Variants in CHCHD6 observed in about 807,000 individuals in gnomAD.
CHCHD6 encodes coiled-coil-helix-coiled-coil-helix domain containing 6, also known as MICOS complex subunit MIC25.
Under a neutral mutation model 32.3 loss-of-function variants are expected in CHCHD6, and 28 were observed. The observed-to-expected ratio is 0.87, with a 90% CI of 0.64 to 1.19. The LOEUF is 1.19. CHCHD6 is among the 50% of genes most tolerant of loss of function. The probability of loss-of-function intolerance (pLI) is 0.00; values close to 1 mark genes in which losing one functional copy is unlikely to be tolerated. For synonymous variants in CHCHD6, 122 were observed against 117.5 expected (o/e 1.04, Z -0.25); for missense variants, 333 against 307.0 (o/e 1.08, Z -0.63).
chr3:126,721,138 G>A (rs376153290), intron 1 of CHCHD6, among the ~76,000 whole-genome samples: 10 of 152,228 alleles, frequency 6.6e-5, no homozygotes, highest in Admixed American at 5.2e-4. Flanking sequence ...GCCACCAGAC[G>A]AGCCTTTCAT....
In CHCHD6 at chr3:126,754,241, C is replaced by G. The variant is rs567811671; in HGVS notation, c.411+21019C>G. Among the ~76,000 whole-genome samples the G allele has an allele frequency of 2.6e-5, 4 of 152,272 alleles. No homozygotes were observed. In the South Asian group the frequency reaches 8.3e-4, roughly 32 times the overall value. Reference sequence around the variant, plus strand: ...TTAAGTGTCTCTGGGCATCACTTTCCCCATCCGTAATACAGGGACAGCAAT... The same window carrying G: ...TTAAGTGTCTCTGGGCATCACTTTCGCCATCCGTAATACAGGGACAGCAAT... On this transcript the variant is annotated intron_variant, in intron 4 of 7. Transcript: ENST00000290913.
intron 5 of CHCHD6, among the ~76,000 whole-genome samples, chr3:126,891,155 G>A (rs1009512604): frequency 2.0e-5 from 3 of 152,176 alleles, no homozygotes; most frequent in African/African-American, 4.8e-5. Context: ...CTGTGGAGAC[G>A]TATCAGGTGC....
intron 4 of CHCHD6, among the ~76,000 whole-genome samples, chr3:126,837,389 C>A (rs1415394565): frequency 6.6e-6 from 1 of 152,012 alleles, no homozygotes; most frequent in Non-Finnish European, 1.5e-5. Context: ...CATAGTGAGA[C>A]CCCATCTCAC....
chr3:126,753,660 C>T (rs922549738), intron 4 of CHCHD6, among the ~76,000 whole-genome samples: 1 of 152,260 alleles, frequency 6.6e-6, no homozygotes, highest in Middle Eastern at 3.2e-3. Context: ...GCCCCTGTCT[C>T]TCTCTCTGGT....
intron 4 of CHCHD6, among the ~76,000 whole-genome samples, chr3:126,755,838 A>ATGTGTGTGTGTGTG (rs58430251): frequency 4.1e-5 from 6 of 145,876 alleles, no homozygotes; most frequent in African/African-American, 1.5e-4. Flanking sequence ...CTGTGTGTGC[A>ATGTGTGTGTGTGTG]TGTGTGTGTG....
chr3:126,763,316 T>C (rs1259531691), intron 4 of CHCHD6, among the ~76,000 whole-genome samples: 1 of 133,912 alleles, frequency 7.5e-6, no homozygotes, highest in Non-Finnish European at 1.6e-5. Context: ...TCTCCCCTTT[T>C]TCCCCCTCTT....
intron 4 of CHCHD6, among the ~76,000 whole-genome samples, chr3:126,755,893 G>C (rs1057063197): frequency 1.3e-5 from 2 of 151,642 alleles, no homozygotes; most frequent in African/African-American, 4.8e-5. Flanking sequence ...CCTTATGCCT[G>C]GTCCTGGATC....
chr3:126,840,896 TTA>T (rs1941046961), intron 4 of CHCHD6, among the ~76,000 whole-genome samples: 1 of 150,948 alleles, frequency 6.6e-6, no homozygotes. Flanking sequence ...TATTTTTAAT[TTA>T]TTTTTTTTAT....
At position 126,928,941 on chromosome 3, in the gene CHCHD6, G is replaced by A. The variant is rs1241450863; in HGVS notation, c.566+14191G>A. On this transcript the variant is annotated intron_variant, in intron 6 of 7. Coordinates refer to ENST00000290913, the MANE Select transcript of CHCHD6 (RefSeq NM_032343.3). ...TCTGCTGGAACAAGTTCAGTTGCCA[G>A]TGCCCATCCTCACACCTCCCATTTC... is the stretch of plus-strand genomic sequence containing the variant. Among the ~76,000 whole-genome samples, 5 of 152,184 alleles carry A rather than the reference G, an allele frequency of 3.3e-5. No homozygotes were observed. The East Asian group carries it at 9.6e-4, about 29-fold the overall frequency.
At chr3:126,945,530 T>G (rs2078623489) in intron 6 of CHCHD6, among the ~76,000 whole-genome samples, 1 of 121,296 alleles carries the variant, frequency 8.2e-6, no homozygotes, top group Admixed American at 9.4e-5. Flanking sequence ...GGGGGAGACT[T>G]GAATAGAGAG....
intron 5 of CHCHD6, among the ~76,000 whole-genome samples, chr3:126,874,278 A>G (rs1403476858): frequency 6.6e-6 from 1 of 152,228 alleles, no homozygotes; most frequent in East Asian, 1.9e-4. Context: ...ACCAGTTAAA[A>G]GTGTTCATGG....
At chr3:126,926,206 C>T (rs973345555) in intron 6 of CHCHD6, among the ~76,000 whole-genome samples, 1 of 152,182 alleles carries the variant, frequency 6.6e-6, no homozygotes, top group Non-Finnish European at 1.5e-5. Context: ...CCTGGGAGGC[C>T]CAGGGACAAT....
At chr3:126,709,728 A>G (rs931901828) in intron 1 of CHCHD6, among the ~76,000 whole-genome samples, 5 of 152,162 alleles carry the variant, frequency 3.3e-5, no homozygotes, top group African/African-American at 7.2e-5. Context: ...TTGAATTTGC[A>G]TTTCCCTAAT....
At chr3:126,824,780 T>C (rs1018679281) in intron 4 of CHCHD6, among the ~76,000 whole-genome samples, 2 of 151,806 alleles carry the variant, frequency 1.3e-5, no homozygotes, top group African/African-American at 2.4e-5. Context: ...GATTTCACCA[T>C]GTTGGCCAGG....
At chr3:126,907,788 G>A (rs57475554) in intron 5 of CHCHD6, among the ~76,000 whole-genome samples, 4,720 of 152,290 alleles carry the variant, frequency 0.031, 162 homozygotes, top group East Asian at 0.16. Flanking sequence ...TCTCTCCCCT[G>A]CCCTGGGCAG....
At chr3:126,864,852 CTCT>C (rs143202997) in intron 5 of CHCHD6, among the ~76,000 whole-genome samples, 26,531 of 114,442 alleles carry the variant, frequency 0.23, 5,387 homozygotes, top group African/African-American at 0.5. Context: ...CCATCATCTC[CTCT>C]TCCTCCTCCA....
chr3:126,839,548 G>A (rs905817361), intron 4 of CHCHD6, among the ~76,000 whole-genome samples: 4 of 151,960 alleles, frequency 2.6e-5, no homozygotes, highest in African/African-American at 4.8e-5. Flanking sequence ...ATTTTCGGCC[G>A]GAACCTGGAG....
intron 4 of CHCHD6, among the ~76,000 whole-genome samples, chr3:126,841,712 C>T (rs1941089211): frequency 6.6e-6 from 1 of 151,716 alleles, no homozygotes; most frequent in Non-Finnish European, 1.5e-5. Context: ...TTGAGATCAG[C>T]CCAGCAACAT....
intron 5 of CHCHD6, among the ~76,000 whole-genome samples, chr3:126,897,117 C>T (rs2077851668): frequency 6.6e-6 from 1 of 152,154 alleles, no homozygotes; most frequent in African/African-American, 2.4e-5. Flanking sequence ...ATGTGTGGCC[C>T]GTGCTGTTCG....
Sources: allele counts gnomAD v4.1 joint callset (sites outside exome capture counted in the v4.1 genomes callset), GRCh38; gene constraint gnomAD v4.1.1; transcripts MANE v1.5; gene names NCBI Gene and HGNC (gene_info 2026-07-23, HGNC 2026-07-21).